DNAJC3: variants seen among roughly 807,000 people sequenced by gnomAD.
DNAJC3 encodes dnaJ homolog subfamily C member 3.
DNAJC3 carries 38 observed loss-of-function variants against 68.6 expected under a neutral mutation model. The observed-to-expected ratio is 0.55, with a 90% CI of 0.43 to 0.73. The LOEUF (loss-of-function observed/expected upper bound fraction) is 0.73, where lower values mean the gene tolerates loss of function less well. DNAJC3 is among the 30% of genes least tolerant of loss of function. DNAJC3 has a pLI of 0.00. For synonymous variants in DNAJC3, 203 were observed against 204.0 expected, an observed-to-expected ratio of 1.00 and a Z score of 0.04; for missense variants, 526 against 591.9, an observed-to-expected ratio of 0.89 and a Z score of 1.16.
At chr13:95,749,839 G>C (rs1485772015) in intron 4 of DNAJC3, among the ~76,000 whole-genome samples, 1 of 152,012 alleles carries the variant, frequency 6.6e-6, no homozygotes, top group Non-Finnish European at 1.5e-5. Flanking sequence ...CATCAGGTCA[G>C]GAGATTGACA....
Position 95,757,636 on chromosome 13 carries a change from C to A in DNAJC3, c.394-8C>A. On this transcript the variant is annotated splice_polypyrimidine_tract_variant and splice_region_variant and intron_variant, in intron 4 of 11. Coordinates refer to ENST00000602402, the MANE Select transcript of DNAJC3 (RefSeq NM_006260.5). ...AAAACTCTGCTTAGTTTTTTATTTT[C>A]CTTATAGCTCAAATCTAATCCAAGT... 6.5e-7 allele frequency: 1 copy of A among 1,540,404 alleles called. No homozygotes were observed. The highest frequency in any genetic ancestry group is 8.9e-7 in the Non-Finnish European group (1 of 1,129,144).
Position 95,792,742 on chromosome 13 carries a change from A to G in DNAJC3, c.*1712A>G, listed in dbSNP as rs1292520073. 1 of 152,332 alleles carries G rather than the reference A, an allele frequency of 6.6e-6. No homozygotes were observed. The highest frequency in any genetic ancestry group is 1.9e-4 in the East Asian group (1 of 5,190). 9.4% of individuals were successfully genotyped at this position (152,332 alleles called of 1,614,324 possible). ...CATTTTGCTTTAATGTTTCAATTCA[A>G]GCCGGTGTAAAAATAATTTCCAAGG... On this transcript the variant is annotated 3_prime_UTR_variant, in exon 12 of 12. Transcript: ENST00000602402.
Position 95,702,348 on chromosome 13 carries a change from A to G in DNAJC3, c.83-6879A>G, listed in dbSNP as rs1593962206. Among the ~76,000 whole-genome samples the G allele has an allele frequency of 2.0e-5, 3 of 152,166 alleles. No homozygotes were observed. In the East Asian group the frequency reaches 5.8e-4, roughly 29 times the overall value. ...AGAGCTTAGCATCATGCTCACCATA[A>G]AGGAGAAATGCGTTGGCTACTTAGT... On this transcript the variant is annotated intron_variant, in intron 1 of 11. Transcript: ENST00000602402.
Position 95,757,684 on chromosome 13 carries a change from A to AG in DNAJC3, c.435dup (p.Ser146ValfsTer7), listed in dbSNP as rs776728193. The stretch of plus-strand genomic sequence containing the variant: ...AGTGAAAATGAAGAAAAGGAAGCAC[A>AG]GTCTCAACTTATAAAATCTGATGAA... On this transcript the variant is annotated frameshift_variant, in exon 5 of 12. Coordinates refer to ENST00000602402, the MANE Select transcript of DNAJC3 (RefSeq NM_006260.5). LOFTEE classifies it high-confidence loss of function. 5 of 1,581,340 alleles carry AG rather than the reference A, an allele frequency of 3.2e-6. No individual in the cohort carries two copies. Among genetic ancestry groups the AG allele is most frequent in the Non-Finnish European group, 3.5e-6 (4 of 1,154,516 alleles).
chr13:95,764,645 CATATATATATATATATATATATATATAT>C (rs755441205), intron 9 of DNAJC3, among the ~76,000 whole-genome samples: 16 of 56,518 alleles, frequency 2.8e-4, no homozygotes, highest in East Asian at 1.1e-3. Flanking sequence ...AAATAGAATC[CATATATATATATATATATATATATATAT>C]ATATATATAT....
chr13:95,773,729 G>GTCTC (rs1221656379), intron 9 of DNAJC3, among the ~76,000 whole-genome samples: 1 of 132,986 alleles, frequency 7.5e-6, no homozygotes, highest in African/African-American at 3.0e-5. Flanking sequence ...AATTTTGTTG[G>GTCTC]TCTTTTTTTT....
At chr13:95,763,984 C>A in intron 9 of DNAJC3, 31 bp downstream of exon 9, 1 of 1,604,900 alleles carries the variant, frequency 6.2e-7, no homozygotes, top group South Asian at 1.1e-5. Flanking sequence ...TTTGCAGTAC[C>A]GAAGTGTTGA....
intron 2 of DNAJC3, among the ~76,000 whole-genome samples, chr13:95,718,066 A>G (rs1214567214): frequency 6.6e-6 from 1 of 152,208 alleles, no homozygotes; most frequent in African/African-American, 2.4e-5. Context: ...GGTTAAATCC[A>G]TCTCCCATGT....
intron 1 of DNAJC3, among the ~76,000 whole-genome samples, chr13:95,702,424 C>G (rs1268490259): frequency 6.6e-6 from 1 of 152,194 alleles, no homozygotes; most frequent in Non-Finnish European, 1.5e-5. Context: ...AACAAAGCAA[C>G]TTTATTTTTG....
At position 95,709,265 on chromosome 13, in the gene DNAJC3, C is replaced by G; in HGVS notation, c.121C>G (p.Leu41Val). ...AGTAAATGCAGATGTTGAGAAACAT[C>G]TTGAATTGGGCAAGAAATTACTTGC... The part of the protein sequence containing the change: ...CGVNADVEKH[L>V]ELGKKLLAAG... The change falls in exon 2 of 12, where the codon CTT becomes GTT. Residue 41 changes from leucine (L) to valine (V), a missense_variant. By Grantham distance (32) the Leu-to-Val change is conservative. Coordinates refer to ENST00000602402, the MANE Select transcript of DNAJC3 (RefSeq NM_006260.5). 1.3e-6 allele frequency: 2 copies of G among 1,586,732 alleles called. No homozygotes were observed. Among genetic ancestry groups the G allele is most frequent in the Non-Finnish European group, 1.7e-6 (2 of 1,167,026 alleles).
At chr13:95,688,934 G>A (rs1486529552) in intron 1 of DNAJC3, among the ~76,000 whole-genome samples, 1 of 134,550 alleles carries the variant, frequency 7.4e-6, no homozygotes, top group Non-Finnish European at 1.7e-5. Flanking sequence ...GTGGGTGTGT[G>A]TGTGTGTGTG....
chr13:95,768,642 A>G (rs1006318973), intron 9 of DNAJC3, among the ~76,000 whole-genome samples: 2 of 151,962 alleles, frequency 1.3e-5, no homozygotes, highest in Non-Finnish European at 2.9e-5. Flanking sequence ...CTGTTATACT[A>G]CCTAGGCCCA....
intron 4 of DNAJC3, among the ~76,000 whole-genome samples, chr13:95,751,072 A>G (rs1413240806): frequency 1.3e-5 from 2 of 152,134 alleles, no homozygotes; most frequent in African/African-American, 2.4e-5. Context: ...ATGTCTCTAC[A>G]GAAAATAAAA....
intron 1 of DNAJC3, among the ~76,000 whole-genome samples, chr13:95,677,839 T>C (rs757169939): frequency 2.0e-4 from 31 of 152,162 alleles, no homozygotes; most frequent in Admixed American, 1.1e-3. Flanking sequence ...ATTTAAAAAG[T>C]GTGTAACCAT....
intron 2 of DNAJC3, among the ~76,000 whole-genome samples, chr13:95,717,330 C>T (rs923317962): frequency 5.3e-5 from 8 of 152,220 alleles, no homozygotes; most frequent in Non-Finnish European, 8.8e-5. Context: ...TTTCTCATCA[C>T]ATTTCAACCT....
In DNAJC3 at chr13:95,790,931, A is replaced by C. The variant is rs1423706140; in HGVS notation, c.1416A>C (p.Gly472=). The C allele has an allele frequency of 6.2e-7, 1 of 1,609,348 alleles. No homozygotes were observed. The highest frequency in any genetic ancestry group is 1.1e-5 in the South Asian group (1 of 89,726). ...CTTTGGATGCAGAGAGCCAGCAAGG[A>C]GGCGGCGGCAACCCTTTCCACAGAA... The part of the protein sequence containing the change: ...EDPLDAESQQ[G]GGGNPFHRSW... Residue 472 remains glycine, a synonymous_variant, in exon 12 of 12, where the codon GGA becomes GGC. Transcript: ENST00000602402.
intron 4 of DNAJC3, among the ~76,000 whole-genome samples, chr13:95,744,480 G>A (rs940989062): frequency 6.6e-6 from 1 of 152,134 alleles, no homozygotes; most frequent in Non-Finnish European, 1.5e-5. Flanking sequence ...ACAAGCACAG[G>A]ATTCATATAT....
At chr13:95,711,387 C>G (rs149242349) in intron 2 of DNAJC3, among the ~76,000 whole-genome samples, 16 of 152,058 alleles carry the variant, frequency 1.1e-4, no homozygotes, top group South Asian at 2.1e-4. Flanking sequence ...ATCCTAGCTA[C>G]TTGGGAAGCC....
chr13:95,730,842 A>C (rs561548338), intron 4 of DNAJC3, among the ~76,000 whole-genome samples: 1 of 152,326 alleles, frequency 6.6e-6, no homozygotes, highest in South Asian at 2.1e-4. Context: ...ATTTCTGTGA[A>C]AAATGACATT....
Sources: allele counts gnomAD v4.1 joint callset (sites outside exome capture counted in the v4.1 genomes callset), GRCh38; gene constraint gnomAD v4.1.1; transcripts MANE v1.5; gene names NCBI Gene and HGNC (gene_info 2026-07-23, HGNC 2026-07-21).